The following GAS7 variants were observed in gnomAD, a reference collection of about 807,000 sequenced individuals.
GAS7 encodes the protein growth arrest-specific protein 7.
In GAS7, 28 loss-of-function variants were observed where a neutral mutation model predicts 71.1. The ratio of observed to expected loss-of-function variants is 0.39; its 90% confidence interval spans 0.29 to 0.54. The LOEUF (loss-of-function observed/expected upper bound fraction) is 0.54. GAS7 is among the 20% of genes least tolerant of loss of function. The pLI is 0.62. For missense variants in GAS7, 436 were observed against 627.8 expected, an observed-to-expected ratio of 0.69 and a Z score of 3.27; for synonymous variants, 258 against 245.8, an observed-to-expected ratio of 1.05 and a Z score of -0.46.
At chr17:10,143,302 A>T (rs1347303147) in intron 1 of GAS7, among the ~76,000 whole-genome samples, 3 of 151,996 alleles carry the variant, frequency 2.0e-5, no homozygotes, top group African/African-American at 7.2e-5. Context: ...GCACTTTGGG[A>T]GGCAGAGGTG....
intron 1 of GAS7, among the ~76,000 whole-genome samples, chr17:10,134,329 A>T (rs1350335379): frequency 6.6e-6 from 1 of 152,008 alleles, no homozygotes. Context: ...CATTTTCTTT[A>T]TCCACTCATT....
At chr17:10,184,925 C>CATT (rs1032948325) in intron 1 of GAS7, among the ~76,000 whole-genome samples, 3 of 130,872 alleles carry the variant, frequency 2.3e-5, no homozygotes, top group Non-Finnish European at 4.8e-5. Flanking sequence ...TATAAAAACT[C>CATT]TTTTTTTTTT....
chr17:10,166,011 C>CCT (rs1321255050), intron 1 of GAS7, among the ~76,000 whole-genome samples: 1 of 143,170 alleles, frequency 7.0e-6, no homozygotes, highest in African/African-American at 2.6e-5. Flanking sequence ...TTTTCTTTTT[C>CCT]TTTTTTTTTT....
At chr17:10,120,000 C>T (rs939234804) in intron 1 of GAS7, among the ~76,000 whole-genome samples, 3 of 152,306 alleles carry the variant, frequency 2.0e-5, no homozygotes, top group African/African-American at 2.4e-5. Flanking sequence ...AGCTGGCACT[C>T]GCTTTCGGAA....
intron 1 of GAS7, among the ~76,000 whole-genome samples, chr17:10,109,956 A>G (rs2073794809): frequency 6.7e-6 from 1 of 150,358 alleles, no homozygotes. Flanking sequence ...CGGGAGGATG[A>G]GGCAGGAGAA....
intron 1 of GAS7, among the ~76,000 whole-genome samples, chr17:10,049,651 C>T (rs1177784153): frequency 2.8e-5 from 3 of 105,906 alleles, no homozygotes; most frequent in South Asian, 3.4e-4. Context: ...GACAGAGTCT[C>T]ACTCTGTCGC....
At chr17:10,053,447 A>G (rs191736861) in intron 1 of GAS7, among the ~76,000 whole-genome samples, 7 of 152,228 alleles carry the variant, frequency 4.6e-5, no homozygotes, top group Admixed American at 4.6e-4. Context: ...CTTTACCTAC[A>G]TGATTTTAAA....
intron 1 of GAS7, among the ~76,000 whole-genome samples, chr17:10,105,190 C>T (rs942745749): frequency 2.0e-5 from 3 of 152,084 alleles, no homozygotes; most frequent in South Asian, 4.1e-4. Context: ...TCCTACCCGA[C>T]GCCGTTGGTA....
chr17:10,014,772 T>C (rs1205697881), intron 2 of GAS7, among the ~76,000 whole-genome samples: 1 of 152,162 alleles, frequency 6.6e-6, no homozygotes, highest in Non-Finnish European at 1.5e-5. Context: ...ACAGACAGCA[T>C]CTAGTTTGAT....
chr17:10,009,574 C>T (rs917138411), intron 2 of GAS7, among the ~76,000 whole-genome samples: 2 of 149,506 alleles, frequency 1.3e-5, no homozygotes, highest in Non-Finnish European at 3.0e-5. Context: ...GTGTGGTACT[C>T]ATGCCTGTAA....
chr17:9,930,858 C>G (rs1472217228), intron 9 of GAS7, among the ~76,000 whole-genome samples: 1 of 152,208 alleles, frequency 6.6e-6, no homozygotes, highest in Non-Finnish European at 1.5e-5. Flanking sequence ...TTGAGGCCAC[C>G]AACACTGACC....
chr17:10,001,829 T>A (rs3786082), intron 2 of GAS7, among the ~76,000 whole-genome samples: 35,706 of 151,790 alleles, frequency 0.24, 6,417 homozygotes, highest in African/African-American at 0.51. Context: ...CACATAATTT[T>A]AAAAAAATCC....
intron 1 of GAS7, among the ~76,000 whole-genome samples, chr17:10,159,065 C>CATGTAT (rs2074229168): frequency 1.7e-5 from 1 of 60,014 alleles, no homozygotes; most frequent in Non-Finnish European, 2.9e-5. Context: ...GTCTCTAAAA[C>CATGTAT]ATATATATAT....
intron 1 of GAS7, among the ~76,000 whole-genome samples, chr17:10,177,196 G>T (rs1308791164): frequency 6.6e-6 from 1 of 152,144 alleles, no homozygotes; most frequent in Non-Finnish European, 1.5e-5. Flanking sequence ...CAGAGGAAGG[G>T]GTCCATGGGC....
chr17:9,987,527 C>T (rs562152909), intron 2 of GAS7, among the ~76,000 whole-genome samples: 2 of 152,338 alleles, frequency 1.3e-5, no homozygotes, highest in East Asian at 3.9e-4. Flanking sequence ...TGGCACACGC[C>T]TGTAGTCCCA....
At chr17:10,141,249 A>C (rs1310450730) in intron 1 of GAS7, among the ~76,000 whole-genome samples, 1 of 152,230 alleles carries the variant, frequency 6.6e-6, no homozygotes, top group South Asian at 2.1e-4. Flanking sequence ...GGAGATTGAG[A>C]CCATCCTGGC....
At chr17:10,174,715 A>G (rs950106952) in intron 1 of GAS7, among the ~76,000 whole-genome samples, 3 of 152,090 alleles carry the variant, frequency 2.0e-5, no homozygotes, top group African/African-American at 7.2e-5. Flanking sequence ...AAAAAAAATA[A>G]AAAACAATTC....
chr17:10,126,320 A>C (rs539423263), intron 1 of GAS7, among the ~76,000 whole-genome samples: 18 of 125,940 alleles, frequency 1.4e-4, no homozygotes, highest in Non-Finnish European at 2.2e-4. Flanking sequence ...TGTGCATGCC[A>C]CACACACACG....
chr17:10,062,263 T>C (rs1348997182), intron 1 of GAS7, among the ~76,000 whole-genome samples: 1 of 152,224 alleles, frequency 6.6e-6, no homozygotes, highest in East Asian at 1.9e-4. Flanking sequence ...GGCGGGTGGA[T>C]TACTTGAGGT....
Sources: allele counts gnomAD v4.1 joint callset (sites outside exome capture counted in the v4.1 genomes callset), GRCh38; gene constraint gnomAD v4.1.1; transcripts MANE v1.5; gene names NCBI Gene and HGNC (gene_info 2026-07-23, HGNC 2026-07-21).